Variants in CFAP43 observed in about 807,000 individuals in gnomAD.
CFAP43 encodes cilia and flagella associated protein 43.
A neutral mutation model predicts 218.9 loss-of-function variants in CFAP43; 155 were observed. The observed-to-expected ratio is 0.71, with a 90% CI of 0.62 to 0.81. The LOEUF is 0.81. Ranked by LOEUF, CFAP43 falls within the 30% of genes least tolerant of loss-of-function variation. The pLI is 0.00. For synonymous variants in CFAP43, 645 were observed against 681.3 expected (o/e 0.95, Z 0.83); for missense variants, 1,778 against 1,954.3 (o/e 0.91, Z 1.70).
intron 12 of CFAP43, among the ~76,000 whole-genome samples, chr10:104,189,231 C>T (rs2090130225): frequency 1.3e-5 from 2 of 152,096 alleles, no homozygotes; most frequent in South Asian, 4.1e-4. Context: ...CTCTTTTTAG[C>T]TTCTTGTGTC....
At position 104,167,693 on chromosome 10, in the gene CFAP43, C is replaced by T. The variant is rs766514432; in HGVS notation, c.2736G>A (p.Ala912=). 33 of 1,611,582 alleles carry T rather than the reference C, an allele frequency of 2.0e-5. No individual in the cohort carries two copies. The highest frequency in any genetic ancestry group is 1.6e-4 in the East Asian group (7 of 44,844). ...ATTCTTTCAGCTCTTCAACCGTGCGCGCTTTCATCGGGAAGTTTTCAACCA... is the reference window on the plus strand; with the variant it reads ...ATTCTTTCAGCTCTTCAACCGTGCGTGCTTTCATCGGGAAGTTTTCAACCA... The part of the protein sequence containing the change: ...PCVVENFPMK[A]RTVEELKELE... The change falls in exon 22 of 38, where the codon GCG becomes GCA. Residue 912 remains alanine (A), a synonymous_variant. Coordinates refer to ENST00000357060, the MANE Select transcript of CFAP43 (RefSeq NM_025145.7).
At chr10:104,217,430 A>G (rs2091046318) in intron 3 of CFAP43, among the ~76,000 whole-genome samples, 1 of 151,722 alleles carries the variant, frequency 6.6e-6, no homozygotes, top group East Asian at 1.9e-4. Context: ...TTATTTCAGC[A>G]GTCATTTCCT....
intron 1 of CFAP43, 28 bp downstream of exon 1, chr10:104,232,154 A>G: frequency 1.3e-6 from 2 of 1,599,272 alleles, no homozygotes; most frequent in Non-Finnish European, 1.7e-6. Context: ...CGAGACCCAG[A>G]TCGGTCGCGG....
At chr10:104,198,082 G>T in intron 8 of CFAP43, 44 bp from the exon 9 acceptor site, 2 of 1,179,266 alleles carry the variant, frequency 1.7e-6, no homozygotes, top group Non-Finnish European at 2.5e-6. Context: ...TAATTGTTGT[G>T]TATATAGTTC....
intron 19 of CFAP43, 96 bp from the exon 20 acceptor site, chr10:104,172,631 A>T: frequency 6.6e-6 from 7 of 1,066,756 alleles, no homozygotes; most frequent in Non-Finnish European, 9.0e-6. Flanking sequence ...TCAATAAAAA[A>T]TAGATGTTCT....
At position 104,225,540 on chromosome 10, in the gene CFAP43, A is replaced by T; in HGVS notation, c.337T>A (p.Tyr113Asn). Residue 113 changes from tyrosine (Y) to asparagine (N), a missense_variant, in exon 3 of 38, where the codon TAC becomes AAC. This residue lies in a region of CFAP43 where 1,553 missense variants were observed against 1,685.2 expected (regional missense o/e 0.92). Transcript: ENST00000357060. ...CAGTAACTGAATGAAAGTAAAGTGTAGTCCAGGAGAATGTTGCCTAAAATA... is the reference window on the plus strand; with the variant it reads ...CAGTAACTGAATGAAAGTAAAGTGTTGTCCAGGAGAATGTTGCCTAAAATA... Reference protein sequence around the residue: ...TKLKGNILLDYTLLSFSYCGT... With the variant: ...TKLKGNILLDNTLLSFSYCGT... 1 of 1,611,648 alleles carries T rather than the reference A, an allele frequency of 6.2e-7. No individual in the cohort carries two copies. Among genetic ancestry groups the T allele is most frequent in the Non-Finnish European group, 8.5e-7 (1 of 1,178,726 alleles).
chr10:104,172,646 A>T, intron 19 of CFAP43, 111 bp from the exon 20 acceptor site: 4 of 926,478 alleles, frequency 4.3e-6, no homozygotes, highest in Non-Finnish European at 6.1e-6. Flanking sequence ...TGTTCTATTT[A>T]TCAAAATGTA....
intron 11 of CFAP43, chr10:104,193,117 A>G (rs1455381812): frequency 6.6e-6 from 1 of 152,232 alleles, no homozygotes; most frequent in Non-Finnish European, 1.5e-5. Context: ...AACAGTAATA[A>G]TGATAGCACC....
chr10:104,148,059 A>G, intron 28 of CFAP43, 61 bp from the exon 29 acceptor site: 3 of 1,115,074 alleles, frequency 2.7e-6, no homozygotes, highest in Admixed American at 2.7e-5. Flanking sequence ...AATATTTTCT[A>G]TAGACTTGGC....
chr10:104,218,460 C>T (rs1241323406), intron 3 of CFAP43, among the ~76,000 whole-genome samples: 2 of 151,608 alleles, frequency 1.3e-5, no homozygotes, highest in African/African-American at 4.8e-5. Flanking sequence ...GTTTGTCCTT[C>T]CTTCTCAAGC....
chr10:104,183,611 G>A (rs55913488), intron 16 of CFAP43, among the ~76,000 whole-genome samples: 7,759 of 151,978 alleles, frequency 0.051, 242 homozygotes, highest in South Asian at 0.13. Context: ...GGATGGTCTC[G>A]ATCTCCTGAC....
chr10:104,163,818 AAG>A (rs1255170834), intron 24 of CFAP43, among the ~76,000 whole-genome samples: 1 of 152,224 alleles, frequency 6.6e-6, no homozygotes, highest in African/African-American at 2.4e-5. Flanking sequence ...GATGTGAACT[AAG>A]AGATGAAGAT....
chr10:104,232,108 G>T, intron 1 of CFAP43, 74 bp downstream of exon 1: 2 of 1,511,838 alleles, frequency 1.3e-6, no homozygotes, highest in Admixed American at 2.0e-5. Flanking sequence ...ACCGGAGGGA[G>T]AGGAGGGAGG....
intron 11 of CFAP43, 129 bp from the exon 12 acceptor site, chr10:104,192,431 C>A (rs2090256897): frequency 1.4e-6 from 1 of 695,892 alleles, no homozygotes; most frequent in African/African-American, 1.8e-5. Flanking sequence ...TTTTAATATT[C>A]TCTGACCTTA....
chr10:104,167,755 A>G lies in CFAP43; in HGVS notation c.2692-18T>C. ...TGAAAACACTTGGGGAAAAAAACGC[A>G]AGACAAAATAAATCCATTTGTAGTA... On this transcript the variant is annotated intron_variant, in intron 21 of 37. Coordinates refer to ENST00000357060, the MANE Select transcript of CFAP43 (RefSeq NM_025145.7). 1 of 1,571,122 alleles carries G rather than the reference A, an allele frequency of 6.4e-7. No individual in the cohort carries two copies. The highest frequency in any genetic ancestry group is 8.7e-7 in the Non-Finnish European group (1 of 1,153,824).
chr10:104,209,075 T>C (rs888136423), intron 5 of CFAP43, among the ~76,000 whole-genome samples: 2 of 152,192 alleles, frequency 1.3e-5, no homozygotes, highest in African/African-American at 4.8e-5. Flanking sequence ...TAAGACCTTA[T>C]ACAGATCGAG....
intron 17 of CFAP43, among the ~76,000 whole-genome samples, chr10:104,180,905 C>G (rs1188126929): frequency 2.6e-5 from 4 of 152,124 alleles, no homozygotes; most frequent in African/African-American, 9.7e-5. Flanking sequence ...AGAAGTTGCT[C>G]TGTCCTGGTC....
At chr10:104,227,302 T>C (rs2091328482) in intron 2 of CFAP43, among the ~76,000 whole-genome samples, 1 of 152,202 alleles carries the variant, frequency 6.6e-6, no homozygotes, top group Non-Finnish European at 1.5e-5. Flanking sequence ...AACCATTTCC[T>C]AAAAATTGAA....
At chr10:104,148,700 G>A (rs2088101903) in intron 28 of CFAP43, among the ~76,000 whole-genome samples, 1 of 152,196 alleles carries the variant, frequency 6.6e-6, no homozygotes, top group African/African-American at 2.4e-5. Context: ...TGGCATAAAT[G>A]GAAGCGGCCT....
Sources: gnomAD v4.1 joint callset for allele counts (sites outside exome capture counted in the v4.1 genomes callset) on GRCh38, gnomAD v4.1.1 for gene constraint, gnomAD v4.1.1 regional missense constraint, MANE v1.5 for transcripts, NCBI Gene and HGNC (gene_info 2026-07-23, HGNC 2026-07-21) for gene names.